Variants in PTPRD observed in about 807,000 individuals in gnomAD.
The protein encoded by PTPRD is receptor-type tyrosine-protein phosphatase delta.
Under a neutral mutation model 214.5 loss-of-function variants are expected in PTPRD, and 34 were observed. The ratio of observed to expected loss-of-function variants is 0.16; its 90% CI spans 0.12 to 0.21. The LOEUF (loss-of-function observed/expected upper bound fraction) is 0.21. Among genes scored for constraint, PTPRD ranks in the 10% least tolerant of loss-of-function variants. PTPRD has a pLI of 1.00. For missense variants in PTPRD, 2,545 were observed against 2,398.7 expected (o/e 1.06, Z -1.27); for synonymous variants, 1,128 against 845.7 (o/e 1.33, Z -5.79).
At chr9:9,170,621 T>TG (rs2099912650) in intron 10 of PTPRD, among the ~76,000 whole-genome samples, 1 of 152,198 alleles carries the variant, frequency 6.6e-6, no homozygotes, top group Non-Finnish European at 1.5e-5. Flanking sequence ...TAATTTTCAA[T>TG]GGAAGGCAAG....
At chr9:9,463,067 C>T (rs563290755) in intron 8 of PTPRD, among the ~76,000 whole-genome samples, 1 of 150,230 alleles carries the variant, frequency 6.7e-6, no homozygotes, top group East Asian at 1.9e-4. Context: ...CTTTGTGGCA[C>T]CTAGTTTCGA....
intron 9 of PTPRD, among the ~76,000 whole-genome samples, chr9:9,379,980 T>C (rs1269530781): frequency 6.6e-6 from 1 of 152,042 alleles, no homozygotes; most frequent in African/African-American, 2.4e-5. Flanking sequence ...CAAAGATATT[T>C]TCATTTTTTT....
At chr9:8,527,802 G>A (rs1359275129) in intron 15 of PTPRD, among the ~76,000 whole-genome samples, 1 of 152,032 alleles carries the variant, frequency 6.6e-6, no homozygotes, top group Non-Finnish European at 1.5e-5. Context: ...AAAGGGTAAA[G>A]AGAGAGAGAA....
In PTPRD at chr9:10,248,614, G is replaced by A. The variant is rs371777459; in HGVS notation, c.-545+92349C>T. 9.5e-4 allele frequency among the ~76,000 whole-genome samples: 143 copies of A among 151,200 alleles called. 1 individual carries two copies. The South Asian group carries it at 0.027, about 29-fold the overall frequency. On this transcript the variant is annotated intron_variant, in intron 3 of 45. Transcript: ENST00000381196. ...TAGGTTAAGCAAAATAAAAGTTTCC[G>A]TACCAGACAAATTATGAGAACCATG...
chr9:8,524,789 T>C, intron 18 of PTPRD, 136 bp downstream of exon 18: 1 of 798,500 alleles, frequency 1.3e-6, no homozygotes, highest in South Asian at 1.3e-5. Context: ...CTTTTCTATT[T>C]ACTAACATGT....
chr9:9,137,852 C>G (rs1424712929), intron 10 of PTPRD, among the ~76,000 whole-genome samples: 6 of 152,142 alleles, frequency 3.9e-5, no homozygotes, highest in Admixed American at 1.3e-4. Context: ...TATTTTATTT[C>G]CAGACCCAAT....
intron 7 of PTPRD, among the ~76,000 whole-genome samples, chr9:9,586,245 T>C (rs1412724979): frequency 1.3e-5 from 2 of 152,036 alleles, no homozygotes; most frequent in African/African-American, 4.8e-5. Flanking sequence ...GTAGTTTTGC[T>C]GTAGACCTCA....
intron 8 of PTPRD, among the ~76,000 whole-genome samples, chr9:9,500,423 A>G (rs1182261258): frequency 6.6e-6 from 1 of 152,120 alleles, no homozygotes; most frequent in Non-Finnish European, 1.5e-5. Flanking sequence ...TCCTGATAGC[A>G]GTACAGGAAG....
At chr9:8,419,769 G>C (rs1480016051) in intron 35 of PTPRD, among the ~76,000 whole-genome samples, 1 of 151,636 alleles carries the variant, frequency 6.6e-6, no homozygotes, top group East Asian at 1.9e-4. Flanking sequence ...AGTTCTGCCA[G>C]GGAAGCATAA....
intron 2 of PTPRD, among the ~76,000 whole-genome samples, chr9:10,386,181 G>A (rs1283818609): frequency 2.0e-5 from 3 of 151,828 alleles, no homozygotes; most frequent in African/African-American, 4.8e-5. Context: ...CCAAGGTTTA[G>A]AGCGAGTTTA....
At chr9:9,087,915 C>G (rs1312812479) in intron 10 of PTPRD, among the ~76,000 whole-genome samples, 1 of 102,172 alleles carries the variant, frequency 9.8e-6, no homozygotes, top group African/African-American at 3.8e-5. Context: ...GAGACAGAGT[C>G]TCACTCTGTT....
intron 10 of PTPRD, among the ~76,000 whole-genome samples, chr9:9,039,665 A>T (rs1418909946): frequency 6.6e-6 from 1 of 152,138 alleles, no homozygotes; most frequent in East Asian, 1.9e-4. Flanking sequence ...GTAGTTATTG[A>T]CCCCTGATAA....
chr9:10,179,451 T>G (rs10958938), intron 3 of PTPRD, among the ~76,000 whole-genome samples: 3 of 151,790 alleles, frequency 2.0e-5, no homozygotes, highest in Non-Finnish European at 4.4e-5. Flanking sequence ...AAATGAACAA[T>G]AGTAATGATA....
Position 8,316,123 on chromosome 9 carries a change from TA to T in PTPRD, c.*1750del, listed in dbSNP as rs1172320790. ...TTTTTCTGATGTTGATGATTGATTA[TA>T]AAAGGAAGAAGGGCCCTGATTATCC... On this transcript the variant is annotated 3_prime_UTR_variant, in exon 46 of 46. Coordinates refer to ENST00000381196, the MANE Select transcript of PTPRD (RefSeq NM_002839.4). The T allele has an allele frequency of 4.4e-6, 1 of 229,830 alleles. No homozygotes were observed. Among genetic ancestry groups the T allele is most frequent in the Non-Finnish European group, 8.6e-6 (1 of 115,798 alleles). The allele number at this position is 229,830 out of a possible 1,614,324, so 14.2% of individuals were successfully genotyped here.
rs142184893 is a variant in PTPRD, at chr9:8,831,088, T to A, written c.-103-97142A>T. Among the ~76,000 whole-genome samples the A allele has an allele frequency of 7.7e-3, 1,165 of 152,228 alleles. 20 individuals are homozygous for A. Among genetic ancestry groups the A allele is most frequent in the African/African-American group, 0.027 (1,107 of 41,542 alleles). ...AGAAGGGACATTTGGCATCACTGAATCCAGCTCCTACACTTCGCAGACAAG... is the reference window on the plus strand; with the variant it reads ...AGAAGGGACATTTGGCATCACTGAAACCAGCTCCTACACTTCGCAGACAAG... On this transcript the variant is annotated intron_variant, in intron 11 of 45. Transcript: ENST00000381196.
chr9:9,833,174 G>A (rs990582781), intron 5 of PTPRD, among the ~76,000 whole-genome samples: 3 of 151,922 alleles, frequency 2.0e-5, no homozygotes, highest in African/African-American at 7.3e-5. Flanking sequence ...GTTCTATCAG[G>A]GGACCTGCCC....
At chr9:8,590,409 CAGA>C (rs1213114869) in intron 14 of PTPRD, among the ~76,000 whole-genome samples, 1 of 152,040 alleles carries the variant, frequency 6.6e-6, no homozygotes, top group African/African-American at 2.4e-5. Flanking sequence ...TTCAAGTGTG[CAGA>C]AGACTTATCA....
At chr9:9,340,231 G>A (rs566218251) in intron 9 of PTPRD, among the ~76,000 whole-genome samples, 11 of 152,184 alleles carry the variant, frequency 7.2e-5, no homozygotes, top group African/African-American at 1.7e-4. Flanking sequence ...AATGCCTCCC[G>A]TTTAAGACAG....
At chr9:8,786,467 T>C (rs1400076475) in intron 11 of PTPRD, among the ~76,000 whole-genome samples, 2 of 137,850 alleles carry the variant, frequency 1.5e-5, no homozygotes, top group Non-Finnish European at 3.0e-5. Flanking sequence ...TGGAGTGCAG[T>C]GGCTCCATCT....
Sources: allele counts gnomAD v4.1 joint callset (sites outside exome capture counted in the v4.1 genomes callset), GRCh38; gene constraint gnomAD v4.1.1; transcripts MANE v1.5; gene names NCBI Gene and HGNC (gene_info 2026-07-23, HGNC 2026-07-21).